TTC28: variants seen among roughly 807,000 people sequenced by gnomAD.
TTC28 encodes tetratricopeptide repeat protein 28.
TTC28 carries 61 observed loss-of-function variants against 198.0 expected under a neutral mutation model. The observed-to-expected ratio is 0.31, with a 90% CI of 0.25 to 0.38. The LOEUF is 0.38. TTC28 is among the 10% of genes least tolerant of loss of function. The pLI is 1.00. For missense variants in TTC28, 2,678 were observed against 3,164.0 expected (o/e 0.85, Z 3.69); for synonymous variants, 1,171 against 1,297.8 (o/e 0.90, Z 2.10).
intron 6 of TTC28, among the ~76,000 whole-genome samples, chr22:28,125,610 A>C (rs192320931): frequency 6.6e-6 from 1 of 152,338 alleles, no homozygotes; most frequent in African/African-American, 2.4e-5. Flanking sequence ...ACAGATCAAT[A>C]CTGTGTAGGC....
intron 2 of TTC28, among the ~76,000 whole-genome samples, chr22:28,398,253 G>A (rs1218683935): frequency 1.3e-5 from 2 of 152,162 alleles, no homozygotes; most frequent in Non-Finnish European, 2.9e-5. Context: ...TGGAGAGGGG[G>A]CCAGGGCCTG....
At chr22:28,320,765 T>A (rs2045433262) in intron 2 of TTC28, among the ~76,000 whole-genome samples, 1 of 152,142 alleles carries the variant, frequency 6.6e-6, no homozygotes, top group Non-Finnish European at 1.5e-5. Context: ...GCTAGAACAT[T>A]TATGTTTAGG....
chr22:27,978,115 A>G lies in TTC28; in HGVS notation c.*4106T>C, dbSNP rs893211009. 5 of 152,212 alleles carry G rather than the reference A, an allele frequency of 3.3e-5. No homozygotes were observed. Among genetic ancestry groups the G allele is most frequent in the South Asian group, 2.1e-4 (1 of 4,828 alleles). 9.4% of individuals were successfully genotyped at this position (152,212 alleles called of 1,614,324 possible). On this transcript the variant is annotated 3_prime_UTR_variant, in exon 23 of 23. Coordinates refer to ENST00000397906, the MANE Select transcript of TTC28 (RefSeq NM_001145418.2). ...AATAAAAATATGAAGTTCTTTTTAC[A>G]TGGTAAATTTCATAATATAAAAAGT...
chr22:28,223,795 A>C (rs879456967), intron 5 of TTC28, among the ~76,000 whole-genome samples: 3 of 152,214 alleles, frequency 2.0e-5, no homozygotes, highest in Non-Finnish European at 4.4e-5. Flanking sequence ...TAATATAGTA[A>C]AGTTCACAAG....
At chr22:28,338,489 A>G (rs1367099655) in intron 2 of TTC28, among the ~76,000 whole-genome samples, 1 of 152,138 alleles carries the variant, frequency 6.6e-6, no homozygotes, top group East Asian at 1.9e-4. Flanking sequence ...TCAGACGTAG[A>G]TTTGGTCTTT....
chr22:28,284,807 GCTCTTATGATGGCTATTACCAAAAACA>G (rs2044649583), intron 5 of TTC28, among the ~76,000 whole-genome samples: 1 of 152,118 alleles, frequency 6.6e-6, no homozygotes. Context: ...TCACCTCATA[GCTCTTATGATGGCTATTACCAAAAACA>G]AAAGAGATAA....
At chr22:28,322,229 G>A (rs12168851) in intron 2 of TTC28, among the ~76,000 whole-genome samples, 12,903 of 152,054 alleles carry the variant, frequency 0.085, 651 homozygotes, top group Non-Finnish European at 0.098. Context: ...TCTGGCACCT[G>A]TTCTTTCTTT....
At chr22:28,214,602 G>C (rs568135628) in intron 5 of TTC28, among the ~76,000 whole-genome samples, 1 of 152,324 alleles carries the variant, frequency 6.6e-6, no homozygotes, top group South Asian at 2.1e-4. Context: ...ACACCAGTTA[G>C]AATGGCAAAC....
chr22:28,121,248 G>A (rs1942779472), intron 6 of TTC28, among the ~76,000 whole-genome samples: 1 of 152,160 alleles, frequency 6.6e-6, no homozygotes, highest in Non-Finnish European at 1.5e-5. Flanking sequence ...ACAGAAACCT[G>A]TGAAAATCAC....
chr22:28,620,359 A>AAAAG (rs1047761280), intron 2 of TTC28, among the ~76,000 whole-genome samples: 8 of 151,700 alleles, frequency 5.3e-5, no homozygotes, highest in African/African-American at 1.5e-4. Context: ...CAAAAAAAAA[A>AAAAG]AAAGAAAGAA....
At chr22:28,593,262 T>C (rs2146097090) in intron 2 of TTC28, among the ~76,000 whole-genome samples, 1 of 152,252 alleles carries the variant, frequency 6.6e-6, no homozygotes, top group South Asian at 2.1e-4. Context: ...TCTTCAGAGG[T>C]TCGTGTTTCA....
chr22:28,421,019 T>C lies in TTC28; in HGVS notation c.382-114376A>G, dbSNP rs185872486. On this transcript the variant is annotated intron_variant, in intron 2 of 22. Coordinates refer to ENST00000397906, the MANE Select transcript of TTC28 (RefSeq NM_001145418.2). ...ATATTCATCCAAAAAGTATCATAAT[T>C]ATGAGTGATCTAATAAAATGGTCTT... Among the ~76,000 whole-genome samples the C allele has an allele frequency of 5.1e-3, 756 of 147,890 alleles. 11 individuals carry two copies. The highest frequency in any genetic ancestry group is 0.018 in the African/African-American group (717 of 39,876).
At chr22:28,537,321 A>C (rs183599963) in intron 2 of TTC28, among the ~76,000 whole-genome samples, 2,420 of 129,312 alleles carry the variant, frequency 0.019, 58 homozygotes, top group East Asian at 0.043. Context: ...AATAAAATAA[A>C]ATAAAATAAA....
chr22:28,031,452 G>A (rs115791905), intron 12 of TTC28, among the ~76,000 whole-genome samples: 1,725 of 152,360 alleles, frequency 0.011, 30 homozygotes, highest in African/African-American at 0.039. Flanking sequence ...GGGCACTGCA[G>A]GCAGCAGACA....
chr22:28,435,199 T>G (rs768815799), intron 2 of TTC28, among the ~76,000 whole-genome samples: 19 of 152,158 alleles, frequency 1.2e-4, no homozygotes, highest in Non-Finnish European at 2.6e-4. Flanking sequence ...TTAAAATGCA[T>G]GCAAAAAGGA....
chr22:28,296,726 AT>A (rs1898715498), intron 4 of TTC28, among the ~76,000 whole-genome samples: 2 of 152,338 alleles, frequency 1.3e-5, no homozygotes, highest in South Asian at 4.1e-4. Flanking sequence ...CTTTACAAGT[AT>A]GCTGGTGGTA....
chr22:28,641,152 C>T (rs574562469), intron 1 of TTC28, among the ~76,000 whole-genome samples: 1 of 152,118 alleles, frequency 6.6e-6, no homozygotes, highest in Non-Finnish European at 1.5e-5. Context: ...GGTGAGACCC[C>T]ATTTCTACTA....
At chr22:28,226,850 C>A (rs973567495) in intron 5 of TTC28, among the ~76,000 whole-genome samples, 5 of 152,196 alleles carry the variant, frequency 3.3e-5, no homozygotes, top group East Asian at 3.8e-4. Context: ...TCAATTATAT[C>A]TTTCAAAGAG....
chr22:28,086,449 T>C (rs1941603124), intron 12 of TTC28, among the ~76,000 whole-genome samples: 2 of 152,130 alleles, frequency 1.3e-5, no homozygotes, highest in Non-Finnish European at 2.9e-5. Flanking sequence ...GAAATAAAGA[T>C]GTTCTTTGAA....
Sources: allele counts gnomAD v4.1 joint callset (sites outside exome capture counted in the v4.1 genomes callset), GRCh38; gene constraint gnomAD v4.1.1; transcripts MANE v1.5; gene names NCBI Gene and HGNC (gene_info 2026-07-23, HGNC 2026-07-21).